PIGN: variants seen among roughly 807,000 people sequenced by gnomAD.
PIGN encodes the protein phosphatidylinositol glycan anchor biosynthesis class N.
A neutral mutation model predicts 125.4 loss-of-function variants in PIGN; 117 were observed. That is an observed-to-expected ratio of 0.93 (90% CI 0.80 to 1.09). PIGN has a LOEUF of 1.09. Ranked by LOEUF, PIGN falls within the 50% of genes least tolerant of loss-of-function variation. The pLI is 0.00. For synonymous variants in PIGN, 392 were observed against 377.8 expected (o/e 1.04, Z -0.44); for missense variants, 1,075 against 1,094.9 (o/e 0.98, Z 0.26).
At chr18:62,098,577 T>A (rs777854962) in intron 22 of PIGN, among the ~76,000 whole-genome samples, 2 of 152,182 alleles carry the variant, frequency 1.3e-5, no homozygotes, top group Non-Finnish European at 2.9e-5. Flanking sequence ...CTAAATGACA[T>A]AAGTAGAACC....
intron 28 of PIGN, among the ~76,000 whole-genome samples, chr18:62,077,774 G>T (rs968179789): frequency 6.6e-6 from 1 of 152,214 alleles, no homozygotes; most frequent in African/African-American, 2.4e-5. Context: ...CACAAGGTGT[G>T]TATTAGCTAG....
intron 23 of PIGN, among the ~76,000 whole-genome samples, chr18:62,018,831 T>C (rs2030014875): frequency 6.6e-6 from 1 of 152,024 alleles, no homozygotes; most frequent in South Asian, 2.1e-4. Context: ...TAACCTCACT[T>C]CCTCATCTAC....
In PIGN at chr18:62,045,383, A is replaced by G. The variant is rs548478917; in HGVS notation, c.*473T>C. ...TTTATTGAAGCTCTTGAAATAATAC[A>G]CCCTGACTGTCTAACAAAACCAGTG... is the stretch of plus-strand genomic sequence containing the variant. On this transcript the variant is annotated 3_prime_UTR_variant, in exon 31 of 31. Coordinates refer to ENST00000640252, the MANE Select transcript of PIGN (RefSeq NM_176787.5). 6.5e-6 allele frequency: 1 copy of G among 152,824 alleles called. No individual in the cohort carries two copies. The highest frequency in any genetic ancestry group is 1.5e-5 in the Non-Finnish European group (1 of 68,386). The allele number at this position is 152,824 out of a possible 1,614,324, so 9.5% of individuals were successfully genotyped here. A position where few individuals can be genotyped will look rare whatever the true frequency, so the allele number is the denominator to read the frequency against.
chr18:62,032,703 G>A (rs549311069), intron 23 of PIGN, among the ~76,000 whole-genome samples: 1 of 152,092 alleles, frequency 6.6e-6, no homozygotes, highest in Non-Finnish European at 1.5e-5. Context: ...GAGATCTTGG[G>A]CAAGTTATTT....
intron 23 of PIGN, among the ~76,000 whole-genome samples, chr18:62,018,744 C>CAG (rs1187434163): frequency 6.6e-6 from 1 of 152,148 alleles, no homozygotes; most frequent in African/African-American, 2.4e-5. Context: ...GCCCGAGGTT[C>CAG]AATTACAGGT....
At chr18:62,048,632 A>C (rs2030941220) in intron 30 of PIGN, among the ~76,000 whole-genome samples, 1 of 151,716 alleles carries the variant, frequency 6.6e-6, no homozygotes, top group Non-Finnish European at 1.5e-5. Context: ...GAAAAAAAAA[A>C]ACCAAATGAA....
chr18:62,022,074 A>T (rs1249801111), intron 23 of PIGN, among the ~76,000 whole-genome samples: 1 of 152,110 alleles, frequency 6.6e-6, no homozygotes, highest in Non-Finnish European at 1.5e-5. Flanking sequence ...ATAGCAGTTC[A>T]CGTCTTCAAA....
intron 22 of PIGN, among the ~76,000 whole-genome samples, chr18:62,099,909 A>G (rs1599517917): frequency 6.6e-6 from 1 of 152,268 alleles, no homozygotes; most frequent in East Asian, 1.9e-4. Context: ...AGTCTGACAA[A>G]GACATTTTGG....
chr18:62,164,194 T>C (rs1398579647), intron 1 of PIGN, among the ~76,000 whole-genome samples: 1 of 152,234 alleles, frequency 6.6e-6, no homozygotes, highest in Non-Finnish European at 1.5e-5. Context: ...AAGGCAGTCA[T>C]GTAGATCCAC....
At chr18:62,069,764 A>ATGG (rs2145640073) in intron 30 of PIGN, 1 of 152,310 alleles carries the variant, frequency 6.6e-6, no homozygotes, top group East Asian at 1.9e-4. Context: ...CTGGAGACAG[A>ATGG]TGGTGTGTGG....
At chr18:62,089,930 T>G (rs1184448298) in intron 24 of PIGN, among the ~76,000 whole-genome samples, 1 of 152,188 alleles carries the variant, frequency 6.6e-6, no homozygotes, top group African/African-American at 2.4e-5. Flanking sequence ...CCTTAAAAAT[T>G]GGTTGGATTT....
rs1462097837 is a variant in PIGN, at chr18:62,134,348, G to A, written c.1172+3895C>T. ...AGAGGTTGCAGTGAGCCAAGATTGCGCCACTGCACTCCAGCCTGAGCAACA... is the reference window on the plus strand; with the variant it reads ...AGAGGTTGCAGTGAGCCAAGATTGCACCACTGCACTCCAGCCTGAGCAACA... On this transcript the variant is annotated intron_variant, in intron 14 of 30. Coordinates refer to ENST00000640252, the MANE Select transcript of PIGN (RefSeq NM_176787.5). 2.0e-5 allele frequency among the ~76,000 whole-genome samples: 3 copies of A among 152,174 alleles called. No homozygotes were observed. The East Asian group carries it at 5.8e-4, about 29-fold the overall frequency.
At chr18:62,094,192 T>C (rs1188719527) in intron 23 of PIGN, among the ~76,000 whole-genome samples, 1 of 152,182 alleles carries the variant, frequency 6.6e-6, no homozygotes, top group Non-Finnish European at 1.5e-5. Context: ...AAATAGTTTT[T>C]CATTCAAAAT....
rs143266541 is a variant in PIGN at position 62,129,628 on chromosome 18, A to G, written c.1172+8615T>C. 5.3e-3 allele frequency among the ~76,000 whole-genome samples: 803 copies of G among 152,298 alleles called. 10 individuals are homozygous for G. The highest frequency in any genetic ancestry group is 0.01 in the Middle Eastern group (3 of 294). On this transcript the variant is annotated intron_variant, in intron 14 of 30. Coordinates refer to ENST00000640252, the MANE Select transcript of PIGN (RefSeq NM_176787.5). ...CCCTTATCATGCTGTATCATTTGCT[A>G]TACTGTCTATATGTTCCCATTAGAC...
intron 28 of PIGN, among the ~76,000 whole-genome samples, chr18:62,081,559 C>A (rs989592923): frequency 3.3e-5 from 5 of 152,088 alleles, no homozygotes; most frequent in Admixed American, 6.6e-5. Context: ...GATAGCATTA[C>A]TATAGACACG....
At chr18:62,073,110 G>C (rs1354353313) in intron 29 of PIGN, among the ~76,000 whole-genome samples, 1 of 151,870 alleles carries the variant, frequency 6.6e-6, no homozygotes, top group Non-Finnish European at 1.5e-5. Flanking sequence ...TTAGGTGCTG[G>C]AGATAAACTC....
intron 23 of PIGN, among the ~76,000 whole-genome samples, chr18:62,026,547 C>T (rs1438793692): frequency 6.6e-6 from 1 of 152,162 alleles, no homozygotes; most frequent in Non-Finnish European, 1.5e-5. Context: ...AGCCTACAGG[C>T]CTCTCTGAAA....
At chr18:62,048,798 C>T (rs1320052786) in intron 30 of PIGN, among the ~76,000 whole-genome samples, 1 of 150,152 alleles carries the variant, frequency 6.7e-6, no homozygotes, top group African/African-American at 2.4e-5. Context: ...GTGTGCTGCA[C>T]CCATTAACTC....
At chr18:62,177,033 G>A (rs571231726) in intron 1 of PIGN, among the ~76,000 whole-genome samples, 14 of 151,658 alleles carry the variant, frequency 9.2e-5, no homozygotes, top group East Asian at 5.8e-4. Flanking sequence ...ATAAACCACC[G>A]CAAGTTTTAT....
Sources: allele counts gnomAD v4.1 joint callset (sites outside exome capture counted in the v4.1 genomes callset), GRCh38; gene constraint gnomAD v4.1.1; transcripts MANE v1.5; gene names NCBI Gene and HGNC (gene_info 2026-07-23, HGNC 2026-07-21).